Variants in CREBRF observed in about 807,000 individuals in gnomAD.
CREBRF encodes UPF0474 protein C5orf41.
CREBRF carries 5 observed loss-of-function variants against 66.1 expected under a neutral mutation model. The observed-to-expected ratio is 0.08, with a 90% CI of 0.04 to 0.16. The LOEUF (loss-of-function observed/expected upper bound fraction) is 0.16, where lower values mean the gene tolerates loss of function less well. Among genes scored for constraint, CREBRF ranks in the 10% least tolerant of loss-of-function variants. CREBRF has a pLI of 1.00. For synonymous variants in CREBRF, 229 were observed against 264.4 expected (o/e 0.87, Z 1.30); for missense variants, 531 against 744.9 (o/e 0.71, Z 3.34).
intron 7 of CREBRF, among the ~76,000 whole-genome samples, chr5:173,119,661 A>G (rs1408044988): frequency 2.0e-5 from 3 of 152,172 alleles, no homozygotes; most frequent in East Asian, 3.8e-4. Context: ...AACAGCCACA[A>G]TATTAAATAG....
intron 8 of CREBRF, among the ~76,000 whole-genome samples, chr5:173,129,351 C>T (rs1449428198): frequency 2.6e-5 from 4 of 150,946 alleles, no homozygotes; most frequent in Non-Finnish European, 5.9e-5. Context: ...CTCCTGACCT[C>T]GTGATCCACC....
chr5:173,085,924 C>T, intron 2 of CREBRF: 1 of 1,093,636 alleles, frequency 9.1e-7, no homozygotes, highest in Non-Finnish European at 1.4e-6. Context: ...CAGTTAGGCA[C>T]CCACTTTTTT....
At chr5:173,058,529 G>C (rs1383198527) in intron 1 of CREBRF, among the ~76,000 whole-genome samples, 1 of 151,760 alleles carries the variant, frequency 6.6e-6, no homozygotes, top group African/African-American at 2.4e-5. Flanking sequence ...TGTCGCCCAG[G>C]CTGGAGAGCA....
intron 1 of CREBRF, among the ~76,000 whole-genome samples, chr5:173,077,926 TTC>T (rs1757815285): frequency 6.6e-6 from 1 of 152,208 alleles, no homozygotes; most frequent in African/African-American, 2.4e-5. Context: ...CTGAATAATA[TTC>T]TGTTGTATTT....
At chr5:173,108,589 T>C (rs768259269) in intron 4 of CREBRF, 35 bp from the exon 5 acceptor site, 3 of 1,570,158 alleles carry the variant, frequency 1.9e-6, no homozygotes, top group Non-Finnish European at 2.6e-6. Flanking sequence ...TATTGAAATT[T>C]ATGGAGCTTA....
chr5:173,067,048 A>C (rs1295617344), intron 1 of CREBRF, among the ~76,000 whole-genome samples: 1 of 151,988 alleles, frequency 6.6e-6, no homozygotes, highest in East Asian at 1.9e-4. Flanking sequence ...TTTGGTTGCA[A>C]GCAGTCCTCC....
intron 7 of CREBRF, among the ~76,000 whole-genome samples, chr5:173,118,551 T>C (rs1199228798): frequency 6.6e-6 from 1 of 152,144 alleles, no homozygotes; most frequent in Non-Finnish European, 1.5e-5. Context: ...ATGATGTTCA[T>C]ATTTTCCCAT....
At chr5:173,113,371 C>T (rs772509963) in intron 7 of CREBRF, among the ~76,000 whole-genome samples, 13 of 151,736 alleles carry the variant, frequency 8.6e-5, no homozygotes, top group Non-Finnish European at 1.5e-4. Flanking sequence ...TGCAGTGGCA[C>T]GATCTCGGCT....
At chr5:173,087,271 C>T (rs968575267) in intron 3 of CREBRF, among the ~76,000 whole-genome samples, 1 of 151,878 alleles carries the variant, frequency 6.6e-6, no homozygotes, top group African/African-American at 2.4e-5. Flanking sequence ...TTAGTGCAGA[C>T]GGGGTTTCAC....
At chr5:173,064,856 G>A (rs767076835) in intron 1 of CREBRF, among the ~76,000 whole-genome samples, 48 of 151,712 alleles carry the variant, frequency 3.2e-4, no homozygotes, top group Non-Finnish European at 6.2e-4. Context: ...GAGCCACTGC[G>A]CCTGGCCCAC....
At chr5:173,073,738 C>T (rs993464708) in intron 1 of CREBRF, among the ~76,000 whole-genome samples, 1 of 152,276 alleles carries the variant, frequency 6.6e-6, no homozygotes, top group Admixed American at 6.5e-5. Flanking sequence ...GAGGCCGAGG[C>T]GGGCGGATCA....
At chr5:173,123,256 T>A in intron 8 of CREBRF, 54 bp downstream of exon 8, 1 of 1,523,678 alleles carries the variant, frequency 6.6e-7, no homozygotes, top group African/African-American at 1.4e-5. Flanking sequence ...GTAAGATGTA[T>A]GATTTAAGGG....
rs1759562023 is a variant in CREBRF at position 173,135,425 on chromosome 5, C to A, written c.*1680C>A. The A allele has an allele frequency of 6.6e-6, 1 of 152,442 alleles. No homozygotes were observed. The highest frequency in any genetic ancestry group is 2.4e-5 in the African/African-American group (1 of 41,430). 9.4% of individuals were successfully genotyped at this position (152,442 alleles called of 1,614,324 possible). A position where few individuals can be genotyped will look rare whatever the true frequency, so the allele number is the denominator to read the frequency against. On this transcript the variant is annotated 3_prime_UTR_variant, in exon 9 of 9. Coordinates refer to ENST00000296953, the MANE Select transcript of CREBRF (RefSeq NM_153607.3). ...TCTTATGTCAAGGCAGCATTATAAA[C>A]CTTCCCCCACAGATTTTTCCATCCT... is the stretch of plus-strand genomic sequence containing the variant.
intron 4 of CREBRF, among the ~76,000 whole-genome samples, chr5:173,104,117 A>C (rs1319826640): frequency 6.6e-6 from 1 of 152,124 alleles, no homozygotes; most frequent in African/African-American, 2.4e-5. Flanking sequence ...ATCTTCATGG[A>C]ATTTAGTGTT....
chr5:173,084,802 C>T (rs867033419), intron 2 of CREBRF, among the ~76,000 whole-genome samples: 1 of 152,074 alleles, frequency 6.6e-6, no homozygotes, highest in South Asian at 2.1e-4. Context: ...CCACCACACC[C>T]GGCTAATTTT....
intron 1 of CREBRF, among the ~76,000 whole-genome samples, chr5:173,058,425 A>G (rs1238574679): frequency 6.6e-6 from 1 of 152,120 alleles, no homozygotes; most frequent in East Asian, 1.9e-4. Flanking sequence ...AAGAATTTGC[A>G]TTATCTTCTA....
chr5:173,082,450 AT>A (rs1186850458), intron 2 of CREBRF, among the ~76,000 whole-genome samples: 1 of 152,138 alleles, frequency 6.6e-6, no homozygotes, highest in Non-Finnish European at 1.5e-5. Context: ...AGAAAAAAAA[AT>A]AAGATGGGAT....
chr5:173,059,058 A>G (rs982037530), intron 1 of CREBRF, among the ~76,000 whole-genome samples: 2 of 151,662 alleles, frequency 1.3e-5, no homozygotes, highest in Non-Finnish European at 2.9e-5. Flanking sequence ...CTCAGCTTCC[A>G]AAGTTCTGGG....
intron 1 of CREBRF, among the ~76,000 whole-genome samples, chr5:173,072,088 A>G (rs1757614313): frequency 1.3e-5 from 2 of 151,846 alleles, no homozygotes; most frequent in Admixed American, 6.6e-5. Flanking sequence ...ATTAATTTTT[A>G]ATAATTATTA....
Sources: allele counts gnomAD v4.1 joint callset (sites outside exome capture counted in the v4.1 genomes callset), GRCh38; gene constraint gnomAD v4.1.1; transcripts MANE v1.5; gene names NCBI Gene and HGNC (gene_info 2026-07-23, HGNC 2026-07-21).